RALGPS1: variants seen among roughly 807,000 people sequenced by gnomAD.
The protein encoded by RALGPS1 is ras-specific guanine nucleotide-releasing factor RalGPS1.
RALGPS1 carries 19 observed loss-of-function variants against 78.8 expected under a neutral mutation model. That is an observed-to-expected ratio of 0.24 (90% CI 0.17 to 0.35). The LOEUF is 0.35. Ranked by LOEUF, RALGPS1 falls within the 10% of genes least tolerant of loss-of-function variation. The pLI is 1.00. For missense variants in RALGPS1, 454 were observed against 688.3 expected (o/e 0.66, Z 3.81); for synonymous variants, 228 against 256.3 (o/e 0.89, Z 1.06).
chr9:127,188,664 A>C (rs1383078202), intron 11 of RALGPS1, among the ~76,000 whole-genome samples: 1 of 151,804 alleles, frequency 6.6e-6, no homozygotes, highest in African/African-American at 2.4e-5. Context: ...GGCTGACTTC[A>C]ACCAAAAGAG....
chr9:127,093,885 C>T (rs1326631657), intron 8 of RALGPS1: 7 of 1,613,898 alleles, frequency 4.3e-6, no homozygotes, highest in African/African-American at 2.7e-5. Flanking sequence ...GAGCTGGTGT[C>T]GTGGCCATCC....
chr9:127,119,314 T>C (rs1156875304), intron 8 of RALGPS1, among the ~76,000 whole-genome samples: 1 of 151,992 alleles, frequency 6.6e-6, no homozygotes, highest in Non-Finnish European at 1.5e-5. Flanking sequence ...AAGTCCATGG[T>C]TTTCAGAGGG....
At chr9:127,017,344 C>T (rs2044947166) in intron 4 of RALGPS1, among the ~76,000 whole-genome samples, 1 of 152,108 alleles carries the variant, frequency 6.6e-6, no homozygotes, top group African/African-American at 2.4e-5. Context: ...TAGTAAGTAT[C>T]TGTGTAGCTA....
intron 7 of RALGPS1, among the ~76,000 whole-genome samples, chr9:127,056,168 T>C (rs2048730409): frequency 6.6e-6 from 1 of 152,228 alleles, no homozygotes; most frequent in South Asian, 2.1e-4. Flanking sequence ...GCCAGGGAAC[T>C]AAGATTACAT....
chr9:127,003,956 A>G (rs2043594145), intron 4 of RALGPS1, among the ~76,000 whole-genome samples: 1 of 152,230 alleles, frequency 6.6e-6, no homozygotes, highest in African/African-American at 2.4e-5. Context: ...CAGCACATTT[A>G]TCCTCTTTCT....
chr9:127,217,595 T>G (rs1029795976), intron 18 of RALGPS1: 3 of 271,182 alleles, frequency 1.1e-5, no homozygotes, highest in African/African-American at 4.6e-5. Flanking sequence ...ATTGCCACCA[T>G]GAGCCTAACA....
chr9:127,111,603 G>T (rs918949833), intron 8 of RALGPS1, among the ~76,000 whole-genome samples: 1 of 152,236 alleles, frequency 6.6e-6, no homozygotes, highest in Non-Finnish European at 1.5e-5. Context: ...GGGCCTATGT[G>T]TGTATTTATT....
At chr9:126,920,314 G>A (rs2034624970) in intron 1 of RALGPS1, among the ~76,000 whole-genome samples, 1 of 152,176 alleles carries the variant, frequency 6.6e-6, no homozygotes, top group East Asian at 1.9e-4. Context: ...CTCTGAGACA[G>A]GCATGTGCTG....
At chr9:127,185,264 C>T (rs1470413891) in intron 11 of RALGPS1, among the ~76,000 whole-genome samples, 1 of 152,220 alleles carries the variant, frequency 6.6e-6, no homozygotes, top group African/African-American at 2.4e-5. Flanking sequence ...ATCTCTACAC[C>T]TTCCCCTCGT....
chr9:126,939,000 C>T (rs2036518118), intron 1 of RALGPS1, among the ~76,000 whole-genome samples: 1 of 152,172 alleles, frequency 6.6e-6, no homozygotes, highest in South Asian at 2.1e-4. Context: ...CCTTCTGGGA[C>T]CTGATGTGGT....
chr9:127,158,270 G>A (rs960864301), intron 8 of RALGPS1, among the ~76,000 whole-genome samples: 3 of 151,682 alleles, frequency 2.0e-5, no homozygotes, highest in South Asian at 2.1e-4. Flanking sequence ...CAGTTTCTGC[G>A]ATTAAAAGTA....
intron 8 of RALGPS1, among the ~76,000 whole-genome samples, chr9:127,086,193 G>A (rs1006750227): frequency 7.2e-5 from 11 of 152,282 alleles, no homozygotes; most frequent in African/African-American, 2.6e-4. Context: ...CTCTCTAACT[G>A]CAGCTTTACT....
Position 127,048,461 on chromosome 9 carries a change from C to T in RALGPS1, c.301-1582C>T, listed in dbSNP as rs566669391. ...CAGCGATTCCTTAAGGATTCTGCCT[C>T]CTCCTTTGGTCACCTCAATTTCAGG... On this transcript the variant is annotated intron_variant, in intron 5 of 18. Transcript: ENST00000259351. Among the ~76,000 whole-genome samples, 13 of 152,346 alleles carry T rather than the reference C, an allele frequency of 8.5e-5. 1 individual carries two copies. In the South Asian group the frequency reaches 2.5e-3, roughly 29 times the overall value.
At chr9:127,202,694 G>A (rs765545726) in intron 14 of RALGPS1, among the ~76,000 whole-genome samples, 3 of 152,130 alleles carry the variant, frequency 2.0e-5, no homozygotes, top group Non-Finnish European at 2.9e-5. Flanking sequence ...CCTACCCTTG[G>A]GGCCCAGAAT....
intron 11 of RALGPS1, among the ~76,000 whole-genome samples, chr9:127,185,151 C>G (rs2060559875): frequency 6.6e-6 from 1 of 152,194 alleles, no homozygotes; most frequent in Non-Finnish European, 1.5e-5. Flanking sequence ...TCCCTCCATA[C>G]CCCCAGCCTG....
At chr9:127,080,115 G>C (rs2051039513) in intron 8 of RALGPS1, among the ~76,000 whole-genome samples, 6 of 152,198 alleles carry the variant, frequency 3.9e-5, no homozygotes, top group Admixed American at 3.9e-4. Context: ...ATGAGTTCTT[G>C]CAGTTCTATG....
intron 4 of RALGPS1, among the ~76,000 whole-genome samples, chr9:127,002,223 C>A (rs897590387): frequency 6.6e-6 from 1 of 152,206 alleles, no homozygotes; most frequent in Middle Eastern, 3.4e-3. Flanking sequence ...TCATAAAATA[C>A]GTACATTTTG....
intron 7 of RALGPS1, among the ~76,000 whole-genome samples, chr9:127,055,195 G>A (rs1306681275): frequency 7.5e-6 from 1 of 133,220 alleles, no homozygotes; most frequent in Non-Finnish European, 1.6e-5. Flanking sequence ...TGCCCTAAAT[G>A]CTTTTTCTAT....
intron 8 of RALGPS1, among the ~76,000 whole-genome samples, chr9:127,101,518 C>T (rs1013513370): frequency 2.0e-5 from 3 of 152,202 alleles, no homozygotes; most frequent in African/African-American, 7.2e-5. Flanking sequence ...ACCCTCCATC[C>T]TTCACCATCC....
Sources: gnomAD v4.1 joint callset for allele counts (sites outside exome capture counted in the v4.1 genomes callset) on GRCh38, gnomAD v4.1.1 for gene constraint, MANE v1.5 for transcripts, NCBI Gene and HGNC (gene_info 2026-07-23, HGNC 2026-07-21) for gene names.